The following TANC2 variants were observed in gnomAD, a reference collection of about 807,000 sequenced individuals.
TANC2 encodes the protein protein TANC2.
A neutral mutation model predicts 210.5 loss-of-function variants in TANC2; 26 were observed. The observed-to-expected ratio is 0.12, with a 90% CI of 0.09 to 0.17. The LOEUF is 0.17. Among genes scored for constraint, TANC2 ranks in the 10% least tolerant of loss-of-function variants. The pLI is 1.00. For missense variants in TANC2, 2,129 were observed against 2,608.9 expected (o/e 0.82, Z 4.01); for synonymous variants, 931 against 967.1 (o/e 0.96, Z 0.69).
chr17:63,155,314 A>T (rs2039798294), intron 5 of TANC2: 1 of 152,242 alleles, frequency 6.6e-6, no homozygotes, highest in African/African-American at 2.4e-5. Flanking sequence ...GGCAAAATAA[A>T]CAAGACATTA....
At chr17:63,167,069 T>C (rs758922942) in intron 5 of TANC2, among the ~76,000 whole-genome samples, 3 of 152,178 alleles carry the variant, frequency 2.0e-5, no homozygotes, top group Non-Finnish European at 4.4e-5. Context: ...GTGCCATTCA[T>C]TGACGCTATG....
chr17:63,314,333 T>C, intron 9 of TANC2, 55 bp from the exon 10 acceptor site: 1 of 1,587,924 alleles, frequency 6.3e-7, no homozygotes, highest in South Asian at 1.1e-5. Flanking sequence ...TCTCTCTTTG[T>C]TTCTCTCAAT....
At chr17:63,226,797 T>A (rs905612289) in intron 7 of TANC2, among the ~76,000 whole-genome samples, 1 of 152,120 alleles carries the variant, frequency 6.6e-6, no homozygotes, top group Non-Finnish European at 1.5e-5. Context: ...GTTCCCCTCC[T>A]TGTGTCCATA....
chr17:62,998,340 A>G (rs1419579234), intron 1 of TANC2, among the ~76,000 whole-genome samples: 1 of 152,226 alleles, frequency 6.6e-6, no homozygotes, highest in Non-Finnish European at 1.5e-5. Flanking sequence ...CTTGGACAAC[A>G]TATTTGAGAA....
chr17:63,228,322 G>A (rs552944481), intron 7 of TANC2, among the ~76,000 whole-genome samples: 2 of 152,266 alleles, frequency 1.3e-5, no homozygotes, highest in East Asian at 1.9e-4. Flanking sequence ...ATGCTGTTTT[G>A]GTTACTGTAG....
chr17:63,255,631 T>C (rs1413973776), intron 8 of TANC2, among the ~76,000 whole-genome samples: 2 of 152,278 alleles, frequency 1.3e-5, no homozygotes, highest in East Asian at 3.9e-4. Flanking sequence ...TAATGATCCT[T>C]TGAATTTCTG....
intron 4 of TANC2, among the ~76,000 whole-genome samples, chr17:63,103,596 A>C (rs1318896768): frequency 6.6e-6 from 1 of 152,104 alleles, no homozygotes; most frequent in African/African-American, 2.4e-5. Context: ...AACCGACTTC[A>C]TGGGTGTTTG....
intron 7 of TANC2, among the ~76,000 whole-genome samples, chr17:63,208,330 GAGCTTTTATTCTAGGTCTTT>G: frequency 6.6e-6 from 1 of 152,050 alleles, no homozygotes; most frequent in South Asian, 2.1e-4. Flanking sequence ...GTCTTTTTCT[GAGCTTTTATTCTAGGTCTTT>G]TTCTGAGCTT....
intron 1 of TANC2, among the ~76,000 whole-genome samples, chr17:63,008,201 T>G (rs1240313009): frequency 6.6e-6 from 1 of 152,142 alleles, no homozygotes; most frequent in Non-Finnish European, 1.5e-5. Flanking sequence ...TTGACAAGCT[T>G]CTTTCAGATA....
chr17:63,388,247 C>G (rs2047848964), intron 15 of TANC2, among the ~76,000 whole-genome samples: 1 of 152,094 alleles, frequency 6.6e-6, no homozygotes, highest in Non-Finnish European at 1.5e-5. Flanking sequence ...AGAGTTTTTC[C>G]AAATGTTCAG....
intron 1 of TANC2, among the ~76,000 whole-genome samples, chr17:62,972,256 C>T (rs986388716): frequency 5.3e-5 from 8 of 152,038 alleles, no homozygotes; most frequent in Non-Finnish European, 8.8e-5. Context: ...CCACACATGA[C>T]GTATCTTGTT....
intron 13 of TANC2, among the ~76,000 whole-genome samples, chr17:63,352,609 C>T (rs1275666236): frequency 6.6e-6 from 1 of 152,162 alleles, no homozygotes; most frequent in Admixed American, 6.5e-5. Context: ...CATACATATT[C>T]TCACATAATA....
At chr17:63,215,988 T>C (rs2042016509) in intron 7 of TANC2, among the ~76,000 whole-genome samples, 1 of 152,106 alleles carries the variant, frequency 6.6e-6, no homozygotes, top group Admixed American at 6.5e-5. Context: ...CCTGACCTCA[T>C]GATCTGCCTG....
At chr17:63,292,302 A>G (rs1438793321) in intron 9 of TANC2, among the ~76,000 whole-genome samples, 3 of 152,216 alleles carry the variant, frequency 2.0e-5, no homozygotes, top group African/African-American at 2.4e-5. Flanking sequence ...CATTAAAGAT[A>G]TATCAGGAGG....
At chr17:63,146,508 A>G (rs2039468290) in intron 4 of TANC2, among the ~76,000 whole-genome samples, 1 of 152,146 alleles carries the variant, frequency 6.6e-6, no homozygotes, top group Non-Finnish European at 1.5e-5. Flanking sequence ...AACTTTGTGA[A>G]AATACTTTCT....
At position 63,118,376 on chromosome 17, in the gene TANC2, A is replaced by G. The variant is rs147929276; in HGVS notation, c.322+19019A>G. On this transcript the variant is annotated intron_variant, in intron 4 of 27. Transcript: ENST00000689528. ...TGTATTTTTAGATCATTTGGTAATT[A>G]TCAACAAGATATATTGATTTTATAT... is the stretch of plus-strand genomic sequence containing the variant. Among the ~76,000 whole-genome samples the G allele has an allele frequency of 1.7e-3, 256 of 152,332 alleles. 1 individual carries two copies. Among genetic ancestry groups the G allele is most frequent in the African/African-American group, 6.0e-3 (249 of 41,584 alleles).
chr17:63,013,063 C>CTT (rs760218214), intron 2 of TANC2, among the ~76,000 whole-genome samples: 2 of 141,052 alleles, frequency 1.4e-5, no homozygotes, highest in African/African-American at 2.6e-5. Flanking sequence ...AGATTTTTTT[C>CTT]TTTTTTTTTT....
In TANC2 at chr17:63,420,266, G is replaced by A. The variant is rs781107754; in HGVS notation, c.4536G>A (p.Gln1512=). 6.2e-7 allele frequency: 1 copy of A among 1,613,778 alleles called. No individual in the cohort carries two copies. The highest frequency in any genetic ancestry group is 1.7e-5 in the Admixed American group (1 of 60,026). The change falls in exon 28 of 28, where the codon CAG becomes CAA. Residue 1512 remains glutamine, a synonymous_variant. Coordinates refer to ENST00000689528, the Ensembl canonical transcript of TANC2. The surrounding 1 kb of genome is among the most constrained non-coding windows in gnomAD (Gnocchi z 4.2). ...TTGAAAATGTTTCCATTGGCCTCCA[G>A]ACAGAGGCCCGGCCCAGCCAGGGGC... is the stretch of plus-strand genomic sequence containing the variant.
In TANC2 at chr17:63,140,933, A is replaced by G. The variant is rs111720364; in HGVS notation, c.323-10337A>G. Among the ~76,000 whole-genome samples, 109 of 152,136 alleles carry G rather than the reference A, an allele frequency of 7.2e-4. 1 individual carries two copies. The Middle Eastern group carries it at 0.021, about 29-fold the overall frequency. ...CCTGGCTAATTTTTGTAGTTTTAGT[A>G]GAGATGGGGTTTCGCCATGTTGGCC... On this transcript the variant is annotated intron_variant, in intron 4 of 27. Transcript: ENST00000689528.
Sources: gnomAD v4.1 joint callset for allele counts (sites outside exome capture counted in the v4.1 genomes callset) on GRCh38, gnomAD v4.1.1 for gene constraint, Gnocchi (gnomAD v3.1) non-coding constraint, MANE v1.5 for transcripts, NCBI Gene and HGNC (gene_info 2026-07-23, HGNC 2026-07-21) for gene names.